RIMBP2: variants seen among roughly 807,000 people sequenced by gnomAD.
The protein encoded by RIMBP2 is RIMS binding protein 2.
In RIMBP2, 48 loss-of-function variants were observed where a neutral mutation model predicts 118.6. The observed-to-expected ratio is 0.40, with a 90% CI of 0.32 to 0.51. The LOEUF is 0.51. Among genes scored for constraint, RIMBP2 ranks in the 20% least tolerant of loss-of-function variants. The pLI is 0.41. For synonymous variants in RIMBP2, 762 were observed against 742.9 expected (o/e 1.03, Z -0.42); for missense variants, 1,551 against 1,768.3 (o/e 0.88, Z 2.20).
rs575371222 is a variant in RIMBP2, at chr12:130,576,859, A to G, written c.-217+51463T>C. Among the ~76,000 whole-genome samples the G allele has an allele frequency of 6.6e-6, 1 of 152,290 alleles. No homozygotes were observed. Among genetic ancestry groups the G allele is most frequent in the Admixed American group, 6.5e-5 (1 of 15,302 alleles). On this transcript the variant is annotated intron_variant, in intron 2 of 22. Coordinates refer to ENST00000690449, the MANE Select transcript of RIMBP2 (RefSeq NM_001393629.1). This position sits in a 1 kb window ranked among gnomAD's most constrained non-coding sequence, Gnocchi z 4.2. ...GTCCAGGCGCAGTGCCTGGGAGCAA[A>G]TATCTCCATGTAGAAAGAGACCGAC... is the stretch of plus-strand genomic sequence containing the variant.
intron 1 of RIMBP2, among the ~76,000 whole-genome samples, chr12:130,669,904 G>T (rs925792751): frequency 6.6e-6 from 1 of 152,182 alleles, no homozygotes; most frequent in African/African-American, 2.4e-5. Flanking sequence ...GAAGGCCGGG[G>T]CTCAGTAACA....
intron 4 of RIMBP2, among the ~76,000 whole-genome samples, chr12:130,503,767 C>T (rs2050034120): frequency 6.6e-6 from 1 of 152,208 alleles, no homozygotes; most frequent in African/African-American, 2.4e-5. Context: ...TCTGTCCAGC[C>T]TCCCTGGAAA....
At position 130,422,439 on chromosome 12, in the gene RIMBP2, A is replaced by C. The variant is rs768227570; in HGVS notation, c.3238+14T>G. ...GCGGCTGAAAGACACAACAGCGATG[A>C]TGGGGCCACTAACCGATGGATGGGA... On this transcript the variant is annotated intron_variant, in intron 17 of 22. Coordinates refer to ENST00000690449, the MANE Select transcript of RIMBP2 (RefSeq NM_001393629.1). The surrounding 1 kb of genome is among the most constrained non-coding windows in gnomAD (Gnocchi z 5.2). The C allele has an allele frequency of 4.4e-6, 7 of 1,574,658 alleles. No individual in the cohort carries two copies. In the East Asian group the frequency reaches 1.4e-4, roughly 30 times the overall value.
At chr12:130,545,088 G>A (rs1405042982) in intron 2 of RIMBP2, among the ~76,000 whole-genome samples, 1 of 152,130 alleles carries the variant, frequency 6.6e-6, no homozygotes, top group Non-Finnish European at 1.5e-5. Flanking sequence ...ACAGTTTACT[G>A]GTAAATCTAT....
chr12:130,658,523 A>T (rs1164374556), intron 1 of RIMBP2: 2 of 152,244 alleles, frequency 1.3e-5, no homozygotes, highest in Non-Finnish European at 2.9e-5. Flanking sequence ...GGAGACCAGG[A>T]GCATCATATT....
chr12:130,569,711 G>A (rs1175209647), intron 2 of RIMBP2, among the ~76,000 whole-genome samples: 2 of 152,280 alleles, frequency 1.3e-5, no homozygotes, highest in Non-Finnish European at 2.9e-5. Context: ...CACTCACTGT[G>A]CAAGACGCCT....
In RIMBP2 at chr12:130,439,033, G is replaced by A. The variant is rs533123302; in HGVS notation, c.1505-517C>T. On this transcript the variant is annotated intron_variant, in intron 11 of 22. Transcript: ENST00000690449. Reference sequence around the variant, plus strand: ...TCTCCCTCTACCCTCTGCCCGGACCGCATATTCCCCATCTTACCACCCCAT... The same window carrying A: ...TCTCCCTCTACCCTCTGCCCGGACCACATATTCCCCATCTTACCACCCCAT... 2.2e-4 allele frequency among the ~76,000 whole-genome samples: 32 copies of A among 146,554 alleles called. 1 individual carries two copies. The South Asian group carries it at 5.5e-3, about 25-fold the overall frequency.
At chr12:130,627,553 C>T (rs781777554) in intron 2 of RIMBP2, among the ~76,000 whole-genome samples, 1 of 152,150 alleles carries the variant, frequency 6.6e-6, no homozygotes, top group Non-Finnish European at 1.5e-5. Flanking sequence ...AGGTGTCAGT[C>T]GGGTAACTCA....
chr12:130,514,768 G>T (rs750729401), intron 3 of RIMBP2, among the ~76,000 whole-genome samples: 5 of 152,228 alleles, frequency 3.3e-5, no homozygotes, highest in Non-Finnish European at 7.3e-5. Flanking sequence ...GATGCATTCA[G>T]ACCTCAGTGT....
intron 2 of RIMBP2, among the ~76,000 whole-genome samples, chr12:130,533,117 C>T (rs1046824200): frequency 6.6e-6 from 1 of 151,088 alleles, no homozygotes; most frequent in African/African-American, 2.4e-5. Context: ...GTGTGTTTAG[C>T]CTCTAGGAGG....
chr12:130,498,460 C>G (rs1046842147), intron 4 of RIMBP2, among the ~76,000 whole-genome samples: 32 of 152,170 alleles, frequency 2.1e-4, no homozygotes, highest in African/African-American at 7.2e-4. Flanking sequence ...AATACACAGG[C>G]AGACAGTTAA....
At position 130,431,383 on chromosome 12, in the gene RIMBP2, G is replaced by T; in HGVS notation, c.2254-3046C>A. ...TCCCGGGTTGTAAAACTGGCAGTCT[G>T]TGCACCAGCTCAACTTCAGTCACTC... On this transcript the variant is annotated intron_variant, in intron 14 of 22. Transcript: ENST00000690449. This position sits in a 1 kb window ranked among gnomAD's most constrained non-coding sequence, Gnocchi z 4.0. 2.7e-6 allele frequency: 1 copy of T among 376,674 alleles called. No homozygotes were observed. The highest frequency in any genetic ancestry group is 5.5e-6 in the Non-Finnish European group (1 of 180,558). The allele number at this position is 376,674 out of a possible 1,614,324, so 23.3% of individuals were successfully genotyped here. A position where few individuals can be genotyped will look rare whatever the true frequency, so the allele number is the denominator to read the frequency against.
intron 2 of RIMBP2, among the ~76,000 whole-genome samples, chr12:130,584,949 G>A (rs527620154): frequency 6.6e-6 from 1 of 151,980 alleles, no homozygotes; most frequent in East Asian, 1.9e-4. Context: ...GGAATGCAGT[G>A]TCATGATCAT....
intron 2 of RIMBP2, among the ~76,000 whole-genome samples, chr12:130,575,565 G>C (rs1310766155): frequency 6.6e-6 from 1 of 152,206 alleles, no homozygotes; most frequent in Admixed American, 6.5e-5. Context: ...ATTCCTGCCT[G>C]CAACTGTCGG....
chr12:130,567,360 T>A (rs1461451079), intron 2 of RIMBP2, among the ~76,000 whole-genome samples: 3 of 152,224 alleles, frequency 2.0e-5, no homozygotes, highest in Non-Finnish European at 4.4e-5. Flanking sequence ...GAAAGGCTGA[T>A]GCTTATTAGT....
In RIMBP2 at chr12:130,578,255, C is replaced by T. The variant is rs914598183; in HGVS notation, c.-217+50067G>A. Among the ~76,000 whole-genome samples the T allele has an allele frequency of 4.6e-5, 7 of 152,194 alleles. No individual in the cohort carries two copies. Among genetic ancestry groups the T allele is most frequent in the Non-Finnish European group, 4.4e-5 (3 of 68,036 alleles). On this transcript the variant is annotated intron_variant, in intron 2 of 22. Transcript: ENST00000690449. This position sits in a 1 kb window ranked among gnomAD's most constrained non-coding sequence, Gnocchi z 4.1. Reference sequence around the variant, plus strand: ...TCCATCCATCCACTTCTGAACCTTCCTGTTCTCTGCCTCTACTGGCCTCTG... The same window carrying T: ...TCCATCCATCCACTTCTGAACCTTCTTGTTCTCTGCCTCTACTGGCCTCTG...
intron 1 of RIMBP2, among the ~76,000 whole-genome samples, chr12:130,692,204 T>C (rs2065338618): frequency 6.6e-6 from 1 of 152,062 alleles, no homozygotes; most frequent in Non-Finnish European, 1.5e-5. Context: ...GGGACAGAAG[T>C]GGGACAGAAG....
At chr12:130,587,977 A>C in intron 2 of RIMBP2, among the ~76,000 whole-genome samples, 1 of 151,594 alleles carries the variant, frequency 6.6e-6, no homozygotes, top group East Asian at 1.9e-4. Context: ...GTCCCTCCAC[A>C]CAGTCCTGCC....
intron 15 of RIMBP2, chr12:130,425,085 G>C: frequency 2.6e-6 from 1 of 385,098 alleles, no homozygotes; most frequent in Non-Finnish European, 4.6e-6. Flanking sequence ...AGCACACGCA[G>C]AGCCAGCGGG....
Sources: gnomAD v4.1 joint callset for allele counts (sites outside exome capture counted in the v4.1 genomes callset) on GRCh38, gnomAD v4.1.1 for gene constraint, Gnocchi (gnomAD v3.1) non-coding constraint, MANE v1.5 for transcripts, NCBI Gene and HGNC (gene_info 2026-07-23, HGNC 2026-07-21) for gene names.